The following CLEC1A variants were observed in gnomAD, a reference collection of about 807,000 sequenced individuals.
The protein encoded by CLEC1A is C-type lectin domain family 1 member A.
A neutral mutation model predicts 28.7 loss-of-function variants in CLEC1A; 34 were observed. The observed-to-expected ratio is 1.18, with a 90% CI of 0.90 to 1.57. The LOEUF (loss-of-function observed/expected upper bound fraction) is 1.57, where lower values mean the gene tolerates loss of function less well. Ranked by LOEUF, CLEC1A falls within the 40% of genes most tolerant of loss-of-function variation. CLEC1A has a pLI of 0.00. For synonymous variants in CLEC1A, 116 were observed against 121.0 expected, an observed-to-expected ratio of 0.96 and a Z score of 0.27; for missense variants, 385 against 339.5, an observed-to-expected ratio of 1.13 and a Z score of -1.05.
At chr12:10,077,692 C>T (rs928050755) in intron 3 of CLEC1A, among the ~76,000 whole-genome samples, 3 of 151,974 alleles carry the variant, frequency 2.0e-5, no homozygotes, top group African/African-American at 7.3e-5. Flanking sequence ...GGCCAATAAC[C>T]CCAGGACGGG....
intron 3 of CLEC1A, among the ~76,000 whole-genome samples, chr12:10,077,187 A>C (rs1253221915): frequency 6.6e-6 from 1 of 152,212 alleles, no homozygotes; most frequent in Non-Finnish European, 1.5e-5. Context: ...ATGTAACTAA[A>C]GAGACAGAGA....
At chr12:10,097,022 G>A (rs1947786374) in intron 1 of CLEC1A, among the ~76,000 whole-genome samples, 1 of 152,090 alleles carries the variant, frequency 6.6e-6, no homozygotes, top group African/African-American at 2.4e-5. Context: ...CTTATGAACA[G>A]GGACCATATC....
intron 1 of CLEC1A, among the ~76,000 whole-genome samples, chr12:10,093,303 A>G (rs910337482): frequency 2.0e-5 from 3 of 148,118 alleles, no homozygotes; most frequent in Non-Finnish European, 4.5e-5. Context: ...CTCCTGAGGC[A>G]TGTTTAGAAA....
chr12:10,097,562 A>G (rs1947794072), intron 1 of CLEC1A, among the ~76,000 whole-genome samples: 1 of 152,172 alleles, frequency 6.6e-6, no homozygotes, highest in South Asian at 2.1e-4. Flanking sequence ...CATTTCTTAC[A>G]AAGAAGCTCC....
chr12:10,096,452 A>G (rs781348751), intron 1 of CLEC1A, among the ~76,000 whole-genome samples: 1 of 152,160 alleles, frequency 6.6e-6, no homozygotes, highest in Non-Finnish European at 1.5e-5. Context: ...GTACTGGACT[A>G]GTGGAAAAAT....
rs376350320 is a variant in CLEC1A at position 10,089,167 on chromosome 12, C to G, written c.171G>C (p.Leu57Phe). The G allele has an allele frequency of 3.8e-5, 61 of 1,614,012 alleles. 1 individual carries two copies. Among genetic ancestry groups the G allele is most frequent in the East Asian group, 2.9e-4 (13 of 44,884 alleles). Residue 57 changes from leucine (L) to phenylalanine (F), a missense_variant, in exon 2 of 6, where the codon TTG becomes TTC. Transcript: ENST00000315330. ...CCAGCCCTATCAGCAGCACCAAGCA[C>G]AAAGTCAGCAGGGTCAGGGCCACTG... ...WRPVALTLLT[L>F]CLVLLIGLAA...
chr12:10,080,939 G>A (rs1486768551), intron 3 of CLEC1A, among the ~76,000 whole-genome samples: 4 of 152,188 alleles, frequency 2.6e-5, no homozygotes, highest in Non-Finnish European at 5.9e-5. Context: ...AACATTTGCC[G>A]AGGTAAATTG....
Position 10,073,428 on chromosome 12 carries a change from A to C in CLEC1A, c.544-17T>G. 6.3e-7 allele frequency: 1 copy of C among 1,591,364 alleles called. No individual in the cohort carries two copies. The highest frequency in any genetic ancestry group is 1.1e-5 in the South Asian group (1 of 90,446). Reference sequence around the variant, plus strand: ...GGCAAATTCCTGTGAAAAGCACATAAGAAAAGCTTTAGCTTTGGTGGCATG... The same window carrying C: ...GGCAAATTCCTGTGAAAAGCACATACGAAAAGCTTTAGCTTTGGTGGCATG... On this transcript the variant is annotated splice_polypyrimidine_tract_variant and intron_variant, in intron 4 of 5. Transcript: ENST00000315330.
chr12:10,080,867 T>G (rs1362724242), intron 3 of CLEC1A, among the ~76,000 whole-genome samples: 1 of 152,238 alleles, frequency 6.6e-6, no homozygotes, highest in Non-Finnish European at 1.5e-5. Flanking sequence ...CTGTATGTTG[T>G]TTAAGATTTG....
chr12:10,090,090 C>T (rs7974909), intron 1 of CLEC1A, among the ~76,000 whole-genome samples: 119,955 of 152,094 alleles, frequency 0.79, 48,590 homozygotes, highest in Middle Eastern at 0.88. Flanking sequence ...GCATCTAGCA[C>T]TGTGATAAAA....
At chr12:10,077,907 T>TC in intron 3 of CLEC1A, among the ~76,000 whole-genome samples, 1 of 152,238 alleles carries the variant, frequency 6.6e-6, no homozygotes, top group Non-Finnish European at 1.5e-5. Flanking sequence ...TTTCTAATCT[T>TC]CCCCTTGTAG....
At chr12:10,082,734 G>A (rs1039037476) in intron 2 of CLEC1A, among the ~76,000 whole-genome samples, 2 of 54,950 alleles carry the variant, frequency 3.6e-5, no homozygotes, top group African/African-American at 1.0e-4. Flanking sequence ...CCTCCTGGCT[G>A]GAGGCCAACA....
At chr12:10,083,385 T>C (rs1866410464) in intron 2 of CLEC1A, among the ~76,000 whole-genome samples, 1 of 152,252 alleles carries the variant, frequency 6.6e-6, no homozygotes, top group Admixed American at 6.5e-5. Flanking sequence ...AATTGCCAGA[T>C]AAAGAATTCA....
chr12:10,072,219 G>A (rs1205889769), intron 5 of CLEC1A, among the ~76,000 whole-genome samples: 1 of 152,076 alleles, frequency 6.6e-6, no homozygotes, highest in Non-Finnish European at 1.5e-5. Context: ...CATTGGACAT[G>A]CCAGCTCTTG....
In CLEC1A at chr12:10,071,499, A is replaced by G. The variant is rs1866132984; in HGVS notation, c.677T>C (p.Ile226Thr). ...PFTSELFHII[I>T]DVTSPRSRDC... is the part of the protein sequence containing the mutation. ...TCTGCTTCTTGGGCTGGTGACATCT[A>G]TTATAATATGGAACCTTAAGAAAGG... Residue 226 changes from isoleucine (I) to threonine (T), a missense_variant, in exon 6 of 6, where the codon ATA becomes ACA. Physicochemically the swap from Ile to Thr is moderately conservative, Grantham distance 89. Transcript: ENST00000315330. 8 of 1,603,986 alleles carry G rather than the reference A, an allele frequency of 5.0e-6. No individual in the cohort carries two copies. The highest frequency in any genetic ancestry group is 4.0e-5 in the African/African-American group (3 of 74,546).
At chr12:10,072,452 C>T (rs1866154603) in intron 5 of CLEC1A, among the ~76,000 whole-genome samples, 1 of 152,170 alleles carries the variant, frequency 6.6e-6, no homozygotes, top group Non-Finnish European at 1.5e-5. Flanking sequence ...TTATATTACC[C>T]CTTACATTTT....
chr12:10,089,323 AT>A (rs1866566362), intron 1 of CLEC1A, 101 bp from the exon 2 acceptor site: 2 of 908,092 alleles, frequency 2.2e-6, no homozygotes, highest in Non-Finnish European at 3.5e-6. Context: ...ACAAGAACAA[AT>A]TAGGCTGGAC....
Position 10,073,404 on chromosome 12 carries a change from G to A in CLEC1A, c.551C>T (p.Ala184Val). ...AAACTCAGAGTAGCTCTGAGACGCGGCAAATTCCTGTGAAAAGCACATAAG... is the reference window on the plus strand; with the variant it reads ...AAACTCAGAGTAGCTCTGAGACGCGACAAATTCCTGTGAAAAGCACATAAG... ...KINKQEDLEF[A>V]ASQSYSEFFY... is the part of the protein sequence containing the mutation. The change falls in exon 5 of 6, where the codon GCC becomes GTC. Residue 184 changes from alanine (A) to valine (V), a missense_variant. Transcript: ENST00000315330. 1 of 1,611,616 alleles carries A rather than the reference G, an allele frequency of 6.2e-7. No homozygotes were observed. Among genetic ancestry groups the A allele is most frequent in the Non-Finnish European group, 8.5e-7 (1 of 1,178,168 alleles).
At chr12:10,097,199 T>C (rs949517407) in intron 1 of CLEC1A, among the ~76,000 whole-genome samples, 2 of 152,220 alleles carry the variant, frequency 1.3e-5, no homozygotes, top group African/African-American at 4.8e-5. Flanking sequence ...TTACGTCAAT[T>C]GTTATTGACA....
Sources: gnomAD v4.1 joint callset for allele counts (sites outside exome capture counted in the v4.1 genomes callset) on GRCh38, gnomAD v4.1.1 for gene constraint, MANE v1.5 for transcripts, NCBI Gene and HGNC (gene_info 2026-07-23, HGNC 2026-07-21) for gene names.